Variants in ELAPOR2 observed in about 807,000 individuals in gnomAD.
The protein encoded by ELAPOR2 is endosome-lysosome associated apoptosis and autophagy regulator family member 2, also known as endosome/lysosome-associated apoptosis and autophagy regulator family member 2.
ELAPOR2 carries 89 observed loss-of-function variants against 120.7 expected under a neutral mutation model. That is an observed-to-expected ratio of 0.74 (90% CI 0.62 to 0.88). ELAPOR2 has a LOEUF of 0.88. Ranked by LOEUF, ELAPOR2 falls within the 40% of genes least tolerant of loss-of-function variation. The pLI is 0.00. For missense variants in ELAPOR2, 1,134 were observed against 1,251.6 expected (o/e 0.91, Z 1.42); for synonymous variants, 444 against 444.9 (o/e 1.00, Z 0.03).
intron 1 of ELAPOR2, among the ~76,000 whole-genome samples, chr7:87,034,182 T>G (rs75976623): frequency 6.6e-6 from 1 of 152,144 alleles, no homozygotes; most frequent in Non-Finnish European, 1.5e-5. Flanking sequence ...AGAGGCAGTA[T>G]AGTCTGATGG....
At position 86,947,784 on chromosome 7, in the gene ELAPOR2, G is replaced by A. The variant is rs775739046; in HGVS notation, c.449C>T (p.Ala150Val). 1.4e-5 allele frequency: 22 copies of A among 1,551,762 alleles called. No homozygotes were observed. The South Asian group carries it at 1.9e-4, about 13-fold the overall frequency. Residue 150 changes from alanine to valine, a missense_variant, in exon 3 of 22, where the codon GCA becomes GTA. Around this residue, in one of 3 missense-constraint regions of ELAPOR2, gnomAD observed 280 missense variants for 331.5 expected, o/e 0.84. Transcript: ENST00000450689. ...GCCCACCACAGTGTCCATGAATGTT[G>A]CGATGTTAGAAAATCCTGCCGGCAA... Reference protein sequence around the residue: ...DELPAGFSNIATFMDTVVGPS... With the variant: ...DELPAGFSNIVTFMDTVVGPS...
At chr7:86,966,622 G>A (rs1791914703) in intron 1 of ELAPOR2, among the ~76,000 whole-genome samples, 1 of 152,118 alleles carries the variant, frequency 6.6e-6, no homozygotes, top group Admixed American at 6.5e-5. Context: ...TTCCCTTCAA[G>A]GTACCAAAAT....
At chr7:86,932,304 C>T (rs1159432344) in intron 8 of ELAPOR2, among the ~76,000 whole-genome samples, 1 of 151,892 alleles carries the variant, frequency 6.6e-6, no homozygotes, top group Admixed American at 6.6e-5. Flanking sequence ...ATTGACTTCC[C>T]AGTTAAATGA....
At chr7:86,966,351 C>T (rs1028825126) in intron 1 of ELAPOR2, among the ~76,000 whole-genome samples, 6 of 152,262 alleles carry the variant, frequency 3.9e-5, no homozygotes, top group Middle Eastern at 3.4e-3. Context: ...GGGGCCCTCA[C>T]TAGTATCACT....
intron 1 of ELAPOR2, among the ~76,000 whole-genome samples, chr7:87,030,674 G>C (rs1324738006): frequency 6.6e-6 from 1 of 152,152 alleles, no homozygotes; most frequent in Non-Finnish European, 1.5e-5. Flanking sequence ...TCAAATCACA[G>C]TAGCTGCAGA....
At position 86,909,813 on chromosome 7, in the gene ELAPOR2, T is replaced by C; in HGVS notation, c.2358A>G (p.Ile786Met). ...ATATATGAACCAAAGGAAGCTTACCTATGAATGTATCTGCCAGAATGATGG... is the reference window on the plus strand; with the variant it reads ...ATATATGAACCAAAGGAAGCTTACCCATGAATGTATCTGCCAGAATGATGG... ...SQSIILADTF[I>M]GVTVETTLKN... is the part of the protein sequence containing the mutation. The change falls in exon 16 of 22, where the codon ATA (isoleucine) becomes ATG (methionine). Residue 786 changes from isoleucine (I) to methionine (M), a missense_variant and splice_region_variant. Ile to Met is a conservative substitution (Grantham distance 10). Transcript: ENST00000450689. The C allele has an allele frequency of 6.2e-7, 1 of 1,606,226 alleles. No homozygotes were observed. Among genetic ancestry groups the C allele is most frequent in the Non-Finnish European group, 8.5e-7 (1 of 1,176,296 alleles).
chr7:86,975,228 G>A (rs916736610), intron 1 of ELAPOR2, among the ~76,000 whole-genome samples: 5 of 152,162 alleles, frequency 3.3e-5, no homozygotes, highest in African/African-American at 4.8e-5. Flanking sequence ...CAATTTAAAT[G>A]TAAAAGCTGA....
intron 21 of ELAPOR2, among the ~76,000 whole-genome samples, chr7:86,883,262 C>T (rs903331344): frequency 2.6e-5 from 4 of 151,862 alleles, no homozygotes; most frequent in South Asian, 2.1e-4. Flanking sequence ...TACATAAACC[C>T]GAGAATTGCA....
intron 1 of ELAPOR2, among the ~76,000 whole-genome samples, chr7:86,982,502 T>A (rs1384669196): frequency 1.3e-5 from 2 of 152,216 alleles, no homozygotes; most frequent in Non-Finnish European, 2.9e-5. Context: ...TCTGCAATAT[T>A]TGCTGTTCTG....
At chr7:87,041,238 G>T (rs557054769) in intron 1 of ELAPOR2, among the ~76,000 whole-genome samples, 1 of 151,964 alleles carries the variant, frequency 6.6e-6, no homozygotes, top group Admixed American at 6.6e-5. Context: ...GCAGGCCAAC[G>T]TTCAGATTCA....
At chr7:86,969,924 A>G (rs1219033221) in intron 1 of ELAPOR2, among the ~76,000 whole-genome samples, 4 of 152,224 alleles carry the variant, frequency 2.6e-5, no homozygotes, top group African/African-American at 9.6e-5. Context: ...ATTTGTAACT[A>G]TATTAGCACT....
At chr7:86,892,163 G>A (rs879301109) in intron 20 of ELAPOR2, among the ~76,000 whole-genome samples, 3 of 151,988 alleles carry the variant, frequency 2.0e-5, no homozygotes, top group South Asian at 4.2e-4. Flanking sequence ...AAATTGGGGG[G>A]CAGGGACTTT....
At chr7:86,981,753 C>G (rs903366505) in intron 1 of ELAPOR2, among the ~76,000 whole-genome samples, 4 of 152,182 alleles carry the variant, frequency 2.6e-5, no homozygotes, top group African/African-American at 9.7e-5. Context: ...ACGCAGAAGA[C>G]GGGTGATTTC....
At chr7:87,043,540 A>G (rs1282943680) in intron 1 of ELAPOR2, among the ~76,000 whole-genome samples, 13 of 149,972 alleles carry the variant, frequency 8.7e-5, no homozygotes, top group East Asian at 2.0e-4. Flanking sequence ...ATGCAGAAAA[A>G]GCCTTTGACA....
At chr7:86,997,112 A>AG (rs527849531) in intron 1 of ELAPOR2, among the ~76,000 whole-genome samples, 3 of 152,188 alleles carry the variant, frequency 2.0e-5, no homozygotes, top group African/African-American at 4.8e-5. Context: ...TGTTTAAGGA[A>AG]GGGGAAAAAA....
chr7:87,033,056 C>T (rs562174970), intron 1 of ELAPOR2, among the ~76,000 whole-genome samples: 25 of 152,200 alleles, frequency 1.6e-4, no homozygotes, highest in African/African-American at 5.3e-4. Flanking sequence ...TAATAAGATT[C>T]GATCAATAGC....
intron 1 of ELAPOR2, among the ~76,000 whole-genome samples, chr7:87,022,649 G>A (rs1213236011): frequency 2.6e-5 from 4 of 151,838 alleles, no homozygotes; most frequent in East Asian, 1.9e-4. Context: ...CTGAGGAATC[G>A]CCACACTGAC....
rs200594659 is a variant in ELAPOR2, at chr7:86,912,150, T to G, written c.2091A>C (p.Ser697=). ...AGGTGAAGCTGGGGCCATTCATTAA[T>G]GAGCCCACACTGCTGAGGTTGCTAA... The part of the protein sequence containing the change: ...YDFSNLSSVG[S]LMNGPSFTSK... The change falls in exon 15 of 22, where the codon TCA becomes TCC. Residue 697 remains serine, a synonymous_variant. Coordinates refer to ENST00000450689, the MANE Select transcript of ELAPOR2 (RefSeq NM_001142749.3). The G allele has an allele frequency of 1.4e-5, 23 of 1,613,304 alleles. No individual in the cohort carries two copies. The African/African-American group carries it at 2.8e-4, about 20-fold the overall frequency.
intron 8 of ELAPOR2, among the ~76,000 whole-genome samples, chr7:86,928,626 G>T (rs1444995790): frequency 2.0e-5 from 3 of 151,984 alleles, no homozygotes; most frequent in African/African-American, 4.8e-5. Context: ...TTGCCCAAAA[G>T]TCAAACACAA....
Sources: gnomAD v4.1 joint callset for allele counts (sites outside exome capture counted in the v4.1 genomes callset) on GRCh38, gnomAD v4.1.1 for gene constraint, gnomAD v4.1.1 regional missense constraint, MANE v1.5 for transcripts, NCBI Gene and HGNC (gene_info 2026-07-23, HGNC 2026-07-21) for gene names.